Variants in HOMER2 observed in about 807,000 individuals in gnomAD.
The protein encoded by HOMER2 is homer scaffold protein 2, also known as homer protein homolog 2.
Under a neutral mutation model 47.0 loss-of-function variants are expected in HOMER2, and 27 were observed. The ratio of observed to expected loss-of-function variants is 0.57; its 90% CI spans 0.42 to 0.79. HOMER2 has a LOEUF of 0.79. Ranked by LOEUF, HOMER2 falls within the 30% of genes least tolerant of loss-of-function variation. The pLI, the probability that HOMER2 is intolerant of heterozygous loss-of-function variation, is 0.00. For missense variants in HOMER2, 443 were observed against 435.0 expected (o/e 1.02, Z -0.16); for synonymous variants, 161 against 163.8 (o/e 0.98, Z 0.13).
chr15:82,842,106 A>T (rs2051181949), exon 2 of HOMER2: 1 of 152,172 alleles, frequency 6.6e-6, no homozygotes, highest in South Asian at 2.1e-4. Flanking sequence ...AAGTAGTAGG[A>T]TCTCATTTAC....
At chr15:82,893,700 C>G (rs2052804177) in intron 1 of HOMER2, among the ~76,000 whole-genome samples, 1 of 151,126 alleles carries the variant, frequency 6.6e-6, no homozygotes, top group African/African-American at 2.4e-5. Context: ...TCATAGCTCA[C>G]TGCAGCCTGG....
chr15:82,909,159 G>T (rs1448477547), intron 1 of HOMER2, among the ~76,000 whole-genome samples: 2 of 152,198 alleles, frequency 1.3e-5, no homozygotes, highest in African/African-American at 4.8e-5. Flanking sequence ...CATTCAGGTT[G>T]ATTGATCATT....
intron 8 of HOMER2, among the ~76,000 whole-genome samples, chr15:82,850,338 G>GC (rs2051352241): frequency 6.6e-6 from 1 of 152,234 alleles, no homozygotes; most frequent in Non-Finnish European, 1.5e-5. Context: ...GAGAGGCGTG[G>GC]CCTCCTCAGC....
chr15:82,869,312 A>G (rs2052097996), intron 3 of HOMER2, among the ~76,000 whole-genome samples: 1 of 151,866 alleles, frequency 6.6e-6, no homozygotes, highest in Admixed American at 6.6e-5. Flanking sequence ...ATCTTCTGAT[A>G]TTTTTCTGTC....
chr15:82,854,929 G>A, intron 5 of HOMER2, 129 bp from the exon 6 acceptor site: 1 of 1,078,534 alleles, frequency 9.3e-7, no homozygotes, highest in South Asian at 1.7e-5. Flanking sequence ...CCCACAGTAA[G>A]CTGGCAGGTG....
intron 2 of HOMER2, among the ~76,000 whole-genome samples, chr15:82,876,390 C>G (rs2052351442): frequency 6.6e-6 from 1 of 152,126 alleles, no homozygotes; most frequent in South Asian, 2.1e-4. Flanking sequence ...ATCAAAGATA[C>G]AAAGATGAAT....
chr15:82,892,430 CA>C, intron 2 of HOMER2, among the ~76,000 whole-genome samples: 1 of 152,190 alleles, frequency 6.6e-6, no homozygotes, highest in East Asian at 1.9e-4. Context: ...AATATCCAAC[CA>C]CGGGGGGAAA....
chr15:82,972,004 G>A (rs1009803179), intron 1 of HOMER2, among the ~76,000 whole-genome samples: 2 of 151,964 alleles, frequency 1.3e-5, no homozygotes, highest in East Asian at 1.9e-4. Flanking sequence ...TTGTATATTC[G>A]AGCTAGCTTG....
chr15:82,873,494 T>C (rs1056559387), intron 3 of HOMER2, among the ~76,000 whole-genome samples: 2 of 152,218 alleles, frequency 1.3e-5, no homozygotes, highest in Admixed American at 6.5e-5. Context: ...TGGCAGGCCT[T>C]GCAGAACTGT....
At chr15:82,860,741 T>C (rs997952049) in intron 4 of HOMER2, among the ~76,000 whole-genome samples, 2 of 151,874 alleles carry the variant, frequency 1.3e-5, no homozygotes, top group African/African-American at 4.8e-5. Flanking sequence ...GTTCAAGACC[T>C]GCCTGGCCAA....
intron 1 of HOMER2, among the ~76,000 whole-genome samples, chr15:82,925,387 T>C (rs2053830070): frequency 6.6e-6 from 1 of 152,138 alleles, no homozygotes; most frequent in South Asian, 2.1e-4. Context: ...CCCCTGGGTC[T>C]CTCTGTAGCC....
At position 82,849,106 on chromosome 15, in the gene HOMER2, C is replaced by A; in HGVS notation, c.*609G>T. 1 of 146,384 alleles carries A rather than the reference C, an allele frequency of 6.8e-6. No individual in the cohort carries two copies. Among genetic ancestry groups the A allele is most frequent in the Non-Finnish European group, 1.5e-5 (1 of 67,640 alleles). 9.1% of individuals were successfully genotyped at this position (146,384 alleles called of 1,614,324 possible). ...GAAATTAAAACCAAGAAAAGGAACA[C>A]TGTTGCAACCGTACAAACTGGGGGG... On this transcript the variant is annotated 3_prime_UTR_variant, in exon 9 of 9. Coordinates refer to ENST00000450735, the MANE Select transcript of HOMER2 (RefSeq NM_004839.4).
At chr15:82,951,034 C>A (rs2054494893) in intron 1 of HOMER2, among the ~76,000 whole-genome samples, 1 of 152,170 alleles carries the variant, frequency 6.6e-6, no homozygotes, top group Admixed American at 6.5e-5. Flanking sequence ...TTTCCCTGTA[C>A]ATTTTTTTAA....
intron 2 of HOMER2, among the ~76,000 whole-genome samples, chr15:82,876,108 T>C (rs913281687): frequency 6.6e-6 from 1 of 152,128 alleles, no homozygotes; most frequent in Non-Finnish European, 1.5e-5. Flanking sequence ...AGTCAGCACA[T>C]GGCAACCTCA....
intron 1 of HOMER2, among the ~76,000 whole-genome samples, chr15:82,940,227 A>T (rs1408152067): frequency 6.6e-6 from 1 of 152,178 alleles, no homozygotes; most frequent in African/African-American, 2.4e-5. Context: ...TAAAAAAAAG[A>T]AAAAGAAAAT....
chr15:82,920,014 A>T (rs1422742526), intron 1 of HOMER2, among the ~76,000 whole-genome samples: 1 of 152,142 alleles, frequency 6.6e-6, no homozygotes, highest in African/African-American at 2.4e-5. Flanking sequence ...CACTCTGTCC[A>T]TTGTCTGGAA....
chr15:82,867,188 T>TA (rs1270975203), intron 3 of HOMER2, among the ~76,000 whole-genome samples: 4 of 151,826 alleles, frequency 2.6e-5, no homozygotes, highest in Non-Finnish European at 5.9e-5. Context: ...AATCAAACTT[T>TA]AAAAAATCAG....
In HOMER2 at chr15:82,928,985, C is replaced by T. The variant is rs115427321; in HGVS notation, c.5+23546G>A. ...AGCTGTCATGCATCTTTGAGACAAT[C>T]AACAATGCAGACGACCATCTAAAGT... On this transcript the variant is annotated intron_variant, in intron 1 of 8. Coordinates refer to ENST00000450735, the MANE Select transcript of HOMER2 (RefSeq NM_004839.4). 2.5e-3 allele frequency among the ~76,000 whole-genome samples: 287 copies of T among 113,008 alleles called. 3 individuals are homozygous for T. Among genetic ancestry groups the T allele is most frequent in the African/African-American group, 0.01 (276 of 26,634 alleles). 74.1% of individuals were successfully genotyped at this position (113,008 alleles called of 152,430 possible). A position where few individuals can be genotyped will look rare whatever the true frequency, so the allele number is the denominator to read the frequency against.
intron 1 of HOMER2, among the ~76,000 whole-genome samples, chr15:82,941,920 A>T (rs553858022): frequency 6.6e-6 from 1 of 152,280 alleles, no homozygotes; most frequent in African/African-American, 2.4e-5. Flanking sequence ...TGGAAGCTCA[A>T]AGAAGGTCAG....
Sources: allele counts gnomAD v4.1 joint callset (sites outside exome capture counted in the v4.1 genomes callset), GRCh38; gene constraint gnomAD v4.1.1; transcripts MANE v1.5; gene names NCBI Gene and HGNC (gene_info 2026-07-23, HGNC 2026-07-21).